Variants in EHBP1 observed in about 807,000 individuals in gnomAD.
EHBP1 encodes the protein EH domain binding protein 1, also known as EH domain-binding protein 1.
Under a neutral mutation model 144.0 loss-of-function variants are expected in EHBP1, and 55 were observed. The observed-to-expected ratio is 0.38, with a 90% confidence interval of 0.31 to 0.48. The LOEUF (loss-of-function observed/expected upper bound fraction) is 0.48, where lower values mean the gene tolerates loss of function less well. EHBP1 is among the 20% of genes least tolerant of loss of function. EHBP1 has a pLI of 0.98. For missense variants in EHBP1, 1,200 were observed against 1,364.2 expected, an observed-to-expected ratio of 0.88 and a Z score of 1.90; for synonymous variants, 469 against 472.7, an observed-to-expected ratio of 0.99 and a Z score of 0.10.
At chr2:62,749,946 T>C (rs1161457890) in intron 3 of EHBP1, among the ~76,000 whole-genome samples, 1 of 152,220 alleles carries the variant, frequency 6.6e-6, no homozygotes, top group Non-Finnish European at 1.5e-5. Flanking sequence ...CTGTTCACTC[T>C]CATGGTGGTT....
intron 5 of EHBP1, among the ~76,000 whole-genome samples, chr2:62,791,991 C>T (rs1407906878): frequency 6.6e-6 from 1 of 152,004 alleles, no homozygotes; most frequent in Non-Finnish European, 1.5e-5. Context: ...GAAGTTTGCT[C>T]ATAAAGTGTT....
chr2:62,693,695 G>T (rs2033986463), intron 1 of EHBP1, among the ~76,000 whole-genome samples: 1 of 152,064 alleles, frequency 6.6e-6, no homozygotes, highest in African/African-American at 2.4e-5. Flanking sequence ...TCACCCTACT[G>T]TGCTATCAAA....
chr2:62,710,935 A>G (rs576637155), intron 2 of EHBP1, among the ~76,000 whole-genome samples: 19 of 152,314 alleles, frequency 1.2e-4, no homozygotes, highest in African/African-American at 4.6e-4. Flanking sequence ...ATGGAGTGAT[A>G]TAGAGATACA....
chr2:62,814,155 G>A (rs1410427106), intron 5 of EHBP1, among the ~76,000 whole-genome samples: 3 of 152,236 alleles, frequency 2.0e-5, no homozygotes, highest in Admixed American at 6.5e-5. Context: ...AGTGTTGAGA[G>A]GTGGGAACTG....
intron 10 of EHBP1, among the ~76,000 whole-genome samples, chr2:62,916,840 T>C (rs1262630307): frequency 6.7e-6 from 1 of 150,152 alleles, no homozygotes; most frequent in Non-Finnish European, 1.5e-5. Flanking sequence ...AAAATATAAA[T>C]ATATTCATTG....
At chr2:62,998,062 C>T (rs967046912) in intron 19 of EHBP1, among the ~76,000 whole-genome samples, 2 of 152,076 alleles carry the variant, frequency 1.3e-5, no homozygotes, top group African/African-American at 4.8e-5. Context: ...AAAACTATTA[C>T]TTAATCTTCT....
At chr2:62,809,593 A>G (rs1360939114) in intron 5 of EHBP1, among the ~76,000 whole-genome samples, 3 of 152,010 alleles carry the variant, frequency 2.0e-5, no homozygotes, top group African/African-American at 7.3e-5. Context: ...TGGGGTATGG[A>G]TCCTGTCACC....
intron 5 of EHBP1, among the ~76,000 whole-genome samples, chr2:62,803,813 G>A (rs2044232259): frequency 6.6e-6 from 1 of 152,178 alleles, no homozygotes; most frequent in Admixed American, 6.5e-5. Context: ...CTTTTATGCG[G>A]TACAGTGTAG....
chr2:62,745,629 C>T (rs2039083702), intron 2 of EHBP1, among the ~76,000 whole-genome samples: 1 of 151,750 alleles, frequency 6.6e-6, no homozygotes, highest in Non-Finnish European at 1.5e-5. Flanking sequence ...AGAGATAGAT[C>T]AGAGTCAAGT....
intron 10 of EHBP1, among the ~76,000 whole-genome samples, chr2:62,930,805 T>A (rs2055925773): frequency 2.0e-5 from 3 of 152,100 alleles, no homozygotes; most frequent in Non-Finnish European, 4.4e-5. Context: ...CAAATAATAT[T>A]GGAAAATTAG....
chr2:62,744,551 C>T (rs1478817524), intron 2 of EHBP1, among the ~76,000 whole-genome samples: 3 of 151,902 alleles, frequency 2.0e-5, no homozygotes, highest in African/African-American at 4.8e-5. Context: ...ATTAAATAGT[C>T]GACTGATTTC....
chr2:62,936,879 A>C (rs905201719), intron 10 of EHBP1, among the ~76,000 whole-genome samples: 4 of 152,182 alleles, frequency 2.6e-5, no homozygotes, highest in Non-Finnish European at 4.4e-5. Context: ...GATATATTCA[A>C]AGTTCCCTCA....
intron 15 of EHBP1, among the ~76,000 whole-genome samples, chr2:62,989,742 A>G (rs992141403): frequency 4.6e-5 from 7 of 152,134 alleles, no homozygotes; most frequent in South Asian, 2.1e-4. Flanking sequence ...AGAATCTGGA[A>G]GCCCTTAGAA....
chr2:62,979,064 GC>G (rs1488013535), intron 14 of EHBP1, 123 bp from the exon 15 acceptor site: 2 of 836,830 alleles, frequency 2.4e-6, no homozygotes, highest in Non-Finnish European at 3.6e-6. Flanking sequence ...CTGATATAGA[GC>G]ATCCTATTTA....
chr2:62,996,887 A>C, intron 19 of EHBP1, 121 bp downstream of exon 19: 1 of 1,424,688 alleles, frequency 7.0e-7, no homozygotes, highest in Non-Finnish European at 9.5e-7. Context: ...CTTGAAAATA[A>C]AAAGGCTGCG....
intron 2 of EHBP1, among the ~76,000 whole-genome samples, chr2:62,743,770 C>A (rs1365819420): frequency 4.6e-5 from 7 of 152,006 alleles, no homozygotes; most frequent in Admixed American, 3.9e-4. Context: ...GAGGGCATGC[C>A]TTAGTTGCAT....
intron 7 of EHBP1, among the ~76,000 whole-genome samples, chr2:62,843,675 A>G (rs2048084840): frequency 6.6e-6 from 1 of 152,190 alleles, no homozygotes. Context: ...TTCTAAAGTT[A>G]CTAACTTTCA....
chr2:62,707,163 G>C lies in EHBP1; in HGVS notation c.-29G>C. On this transcript the variant is annotated 5_prime_UTR_variant, in exon 2 of 23. Coordinates refer to ENST00000431489, the MANE Select transcript of EHBP1 (RefSeq NM_001142616.3). ...TTAAAGCTGCTGTATTGCTAACCCA[G>C]AACTGCTCCAGTGTCTTGACTGATC... is the stretch of plus-strand genomic sequence containing the variant. 2 of 1,586,798 alleles carry C rather than the reference G, an allele frequency of 1.3e-6. No homozygotes were observed. The highest frequency in any genetic ancestry group is 1.7e-6 in the Non-Finnish European group (2 of 1,155,172).
intron 2 of EHBP1, among the ~76,000 whole-genome samples, chr2:62,730,563 G>A (rs2037407640): frequency 6.6e-6 from 1 of 151,988 alleles, no homozygotes; most frequent in Non-Finnish European, 1.5e-5. Flanking sequence ...GGACATCTTA[G>A]TTGCTTCTAA....
Sources: allele counts gnomAD v4.1 joint callset (sites outside exome capture counted in the v4.1 genomes callset), GRCh38; gene constraint gnomAD v4.1.1; transcripts MANE v1.5; gene names NCBI Gene and HGNC (gene_info 2026-07-23, HGNC 2026-07-21).